Variants in BMPR1A observed in about 807,000 individuals in gnomAD.
The protein encoded by BMPR1A is bone morphogenetic protein receptor type-1A.
BMPR1A carries 7 observed loss-of-function variants against 66.0 expected under a neutral mutation model. That is an observed-to-expected ratio of 0.11 (90% CI 0.06 to 0.20). BMPR1A has a LOEUF of 0.20. Among genes scored for constraint, BMPR1A ranks in the 10% least tolerant of loss-of-function variants. The probability of loss-of-function intolerance (pLI) is 1.00; values close to 1 mark genes in which losing one functional copy is unlikely to be tolerated. For missense variants in BMPR1A, 408 were observed against 669.1 expected, an observed-to-expected ratio of 0.61 and a Z score of 4.31; for synonymous variants, 200 against 229.7, an observed-to-expected ratio of 0.87 and a Z score of 1.17.
chr10:86,877,777 T>C (rs7075815), intron 3 of BMPR1A, among the ~76,000 whole-genome samples: 8,831 of 152,264 alleles, frequency 0.058, 577 homozygotes, highest in African/African-American at 0.16. Flanking sequence ...CATAGTAATA[T>C]TATATTTGCT....
intron 11 of BMPR1A, among the ~76,000 whole-genome samples, chr10:86,923,145 TC>T (rs1392492066): frequency 4.0e-5 from 6 of 150,716 alleles, no homozygotes; most frequent in Non-Finnish European, 7.3e-5. Flanking sequence ...ATGCCCTTTG[TC>T]GATGGACTCT....
intron 7 of BMPR1A, among the ~76,000 whole-genome samples, chr10:86,906,648 C>A (rs1295614675): frequency 1.7e-5 from 1 of 58,582 alleles, no homozygotes; most frequent in South Asian, 6.6e-4. Flanking sequence ...GGCGTGAATC[C>A]GGGAGGCGGA....
At chr10:86,816,810 G>A (rs1393805748) in intron 1 of BMPR1A, among the ~76,000 whole-genome samples, 1 of 152,200 alleles carries the variant, frequency 6.6e-6, no homozygotes. Flanking sequence ...TACATGCAGA[G>A]AGGGTCCAGT....
intron 7 of BMPR1A, among the ~76,000 whole-genome samples, chr10:86,908,445 A>G (rs1235329543): frequency 6.6e-6 from 1 of 152,196 alleles, no homozygotes; most frequent in African/African-American, 2.4e-5. Flanking sequence ...TCAGTCTAGT[A>G]CGAGTCGATT....
intron 1 of BMPR1A, among the ~76,000 whole-genome samples, chr10:86,766,883 G>A (rs531261488): frequency 6.6e-6 from 1 of 151,272 alleles, no homozygotes; most frequent in East Asian, 1.9e-4. Context: ...GAGTGCAGTG[G>A]TGCCATCCTG....
intron 11 of BMPR1A, among the ~76,000 whole-genome samples, chr10:86,922,540 A>G (rs1589293093): frequency 6.6e-6 from 1 of 152,188 alleles, no homozygotes. Context: ...GGTTGTCCCA[A>G]TGGCTAACAT....
chr10:86,903,699 C>T (rs1279803517), intron 7 of BMPR1A, among the ~76,000 whole-genome samples: 1 of 151,884 alleles, frequency 6.6e-6, no homozygotes, highest in African/African-American at 2.4e-5. Flanking sequence ...GCAAGCTCCA[C>T]CTCCCGGGTT....
At chr10:86,876,382 A>C (rs1842922115) in intron 3 of BMPR1A, among the ~76,000 whole-genome samples, 3 of 152,232 alleles carry the variant, frequency 2.0e-5, no homozygotes, top group Admixed American at 2.0e-4. Flanking sequence ...ATGTAAAGCC[A>C]CCTCAGTTAG....
intron 1 of BMPR1A, among the ~76,000 whole-genome samples, chr10:86,798,030 CTATT>C: frequency 6.6e-6 from 1 of 152,090 alleles, no homozygotes; most frequent in African/African-American, 2.4e-5. Flanking sequence ...TGTCTATTTG[CTATT>C]TATTATTTTG....
intron 2 of BMPR1A, chr10:86,856,248 C>A: frequency 1.9e-6 from 1 of 521,822 alleles, no homozygotes. Context: ...CTTTTAGAAG[C>A]ATCTTCTTGT....
intron 2 of BMPR1A, chr10:86,854,698 C>T (rs1564704127): frequency 4.4e-6 from 1 of 225,344 alleles, no homozygotes; most frequent in African/African-American, 2.3e-5. Context: ...CGTATCCCTT[C>T]TGAGTCTTGT....
intron 7 of BMPR1A, among the ~76,000 whole-genome samples, chr10:86,904,296 A>G (rs935554523): frequency 6.6e-6 from 1 of 152,262 alleles, no homozygotes; most frequent in Admixed American, 6.5e-5. Context: ...ATTAAGGCAC[A>G]TGATAATTGT....
intron 1 of BMPR1A, among the ~76,000 whole-genome samples, chr10:86,784,512 G>T (rs193266115): frequency 2.0e-5 from 3 of 152,238 alleles, no homozygotes; most frequent in African/African-American, 7.2e-5. Context: ...CATTTTTTGA[G>T]AATATGTGCA....
chr10:86,819,430 C>G (rs969547059), intron 1 of BMPR1A, among the ~76,000 whole-genome samples: 1 of 152,116 alleles, frequency 6.6e-6, no homozygotes, highest in African/African-American at 2.4e-5. Flanking sequence ...CCTGCCTCAG[C>G]CTCCTGAGTA....
At chr10:86,826,221 T>TCTTAG (rs1352547802) in intron 1 of BMPR1A, among the ~76,000 whole-genome samples, 1 of 152,202 alleles carries the variant, frequency 6.6e-6, no homozygotes, top group Non-Finnish European at 1.5e-5. Flanking sequence ...TACATTATCA[T>TCTTAG]ACTTAAGAGA....
At chr10:86,794,806 A>C (rs1841680609) in intron 1 of BMPR1A, among the ~76,000 whole-genome samples, 1 of 150,542 alleles carries the variant, frequency 6.6e-6, no homozygotes, top group African/African-American at 2.5e-5. Flanking sequence ...TAAAATTCAA[A>C]TTTATCTATA....
chr10:86,850,587 T>C (rs1842553094), intron 2 of BMPR1A, among the ~76,000 whole-genome samples: 1 of 152,178 alleles, frequency 6.6e-6, no homozygotes, highest in African/African-American at 2.4e-5. Flanking sequence ...TTTTAACATT[T>C]CCTAGTCTTT....
At chr10:86,874,392 C>T (rs952988422) in intron 2 of BMPR1A, among the ~76,000 whole-genome samples, 4 of 151,106 alleles carry the variant, frequency 2.6e-5, no homozygotes, top group Non-Finnish European at 4.4e-5. Flanking sequence ...TTTTTCCCTC[C>T]GCTCCCCTCC....
At chr10:86,882,448 A>G (rs1843002721) in intron 3 of BMPR1A, among the ~76,000 whole-genome samples, 2 of 152,040 alleles carry the variant, frequency 1.3e-5, no homozygotes, top group African/African-American at 4.8e-5. Context: ...TTTCTGGAAG[A>G]ATACTTCATT....
Sources: gnomAD v4.1 joint callset for allele counts (sites outside exome capture counted in the v4.1 genomes callset) on GRCh38, gnomAD v4.1.1 for gene constraint, MANE v1.5 for transcripts, NCBI Gene and HGNC (gene_info 2026-07-23, HGNC 2026-07-21) for gene names.